BAZ2B: variants seen among roughly 807,000 people sequenced by gnomAD.
BAZ2B encodes bromodomain adjacent to zinc finger domain 2B, also known as bromodomain adjacent to zinc finger domain protein 2B.
In BAZ2B, 91 loss-of-function variants were observed where a neutral mutation model predicts 246.0. That is an observed-to-expected ratio of 0.37 (90% confidence interval 0.31 to 0.44). The LOEUF is 0.44. Ranked by LOEUF, BAZ2B falls within the 20% of genes least tolerant of loss-of-function variation. The probability of loss-of-function intolerance (pLI) is 1.00; values close to 1 mark genes in which losing one functional copy is unlikely to be tolerated. For missense variants in BAZ2B, 2,332 were observed against 2,533.7 expected, an observed-to-expected ratio of 0.92 and a Z score of 1.71; for synonymous variants, 855 against 860.0, an observed-to-expected ratio of 0.99 and a Z score of 0.10.
the BAZ2B span, among the ~76,000 whole-genome samples, chr2:159,650,033 A>G: frequency 6.6e-6 from 1 of 152,034 alleles, no homozygotes; most frequent in Non-Finnish European, 1.5e-5. Flanking sequence ...TGTGTTTTCC[A>G]TCTCAGACAT....
chr2:159,642,393 A>G, the BAZ2B span, among the ~76,000 whole-genome samples: 1 of 151,764 alleles, frequency 6.6e-6, no homozygotes, highest in Non-Finnish European at 1.5e-5. Context: ...GCCAGCCACC[A>G]CACCTAGCTA....
intron 3 of BAZ2B, chr2:159,459,532 G>A (rs1404115794): frequency 6.6e-6 from 1 of 152,086 alleles, no homozygotes; most frequent in Non-Finnish European, 1.5e-5. Flanking sequence ...TTACACCCTT[G>A]GCTCCATTGC....
At chr2:159,388,406 A>C (rs1173097462) in intron 21 of BAZ2B, among the ~76,000 whole-genome samples, 1 of 152,120 alleles carries the variant, frequency 6.6e-6, no homozygotes, top group African/African-American at 2.4e-5. Context: ...GCAACATTAC[A>C]TGTCTGTGAA....
At chr2:159,647,332 G>A in the BAZ2B span, among the ~76,000 whole-genome samples, 1 of 152,208 alleles carries the variant, frequency 6.6e-6, no homozygotes, top group Non-Finnish European at 1.5e-5. Flanking sequence ...TTCAGTTCAA[G>A]TCTGAAGGCA....
chr2:159,450,481 A>C (rs2074922929), intron 4 of BAZ2B, among the ~76,000 whole-genome samples: 1 of 152,146 alleles, frequency 6.6e-6, no homozygotes, highest in South Asian at 2.1e-4. Context: ...AATACAAAAC[A>C]ATAAGATCAG....
chr2:159,423,933 C>CATTT (rs1321932436), intron 13 of BAZ2B, among the ~76,000 whole-genome samples: 1 of 152,154 alleles, frequency 6.6e-6, no homozygotes, highest in African/African-American at 2.4e-5. Context: ...GCTCCAGGAT[C>CATTT]ATTTGCACAC....
intron 27 of BAZ2B, among the ~76,000 whole-genome samples, chr2:159,367,942 A>C (rs926836325): frequency 6.6e-6 from 1 of 152,190 alleles, no homozygotes; most frequent in Admixed American, 6.5e-5. Flanking sequence ...TTAATGTTGA[A>C]TTAACTTTCA....
At chr2:159,613,307 C>G (rs934904772) in intron 1 of BAZ2B, among the ~76,000 whole-genome samples, 1 of 151,918 alleles carries the variant, frequency 6.6e-6, no homozygotes, top group African/African-American at 2.4e-5. Context: ...TACTACAATT[C>G]GGCACTAGTT....
intron 1 of BAZ2B, among the ~76,000 whole-genome samples, chr2:159,608,709 TATG>T (rs1694062356): frequency 6.6e-6 from 1 of 152,234 alleles, no homozygotes; most frequent in South Asian, 2.1e-4. Context: ...TAATTATAGT[TATG>T]ATCCTATGCA....
intron 27 of BAZ2B, among the ~76,000 whole-genome samples, chr2:159,370,375 T>G (rs1199030103): frequency 7.5e-6 from 1 of 133,680 alleles, no homozygotes; most frequent in African/African-American, 2.8e-5. Context: ...GGCACTGTAC[T>G]ACCTTTTTTT....
intron 13 of BAZ2B, among the ~76,000 whole-genome samples, chr2:159,427,248 A>G (rs1176834309): frequency 5.9e-5 from 9 of 152,114 alleles, no homozygotes; most frequent in Non-Finnish European, 8.8e-5. Context: ...GCAGCTGAAT[A>G]CAACTAAGGA....
the BAZ2B span, among the ~76,000 whole-genome samples, chr2:159,683,793 TC>T: frequency 6.6e-6 from 1 of 152,224 alleles, no homozygotes; most frequent in Non-Finnish European, 1.5e-5. Flanking sequence ...AACTCTTTTT[TC>T]TCTTTAAGTA....
the BAZ2B span, chr2:159,694,809 T>C: frequency 6.6e-6 from 1 of 152,232 alleles, no homozygotes; most frequent in Non-Finnish European, 1.5e-5. Flanking sequence ...TTGTGTGACA[T>C]GTGTTTTCAG....
chr2:159,569,840 C>T (rs538423482), intron 1 of BAZ2B, among the ~76,000 whole-genome samples: 1 of 151,856 alleles, frequency 6.6e-6, no homozygotes, highest in African/African-American at 2.4e-5. Flanking sequence ...AAAAAAAGTA[C>T]ATAAATGAAA....
At chr2:159,575,613 AG>A (rs1685108192) in intron 1 of BAZ2B, among the ~76,000 whole-genome samples, 1 of 152,176 alleles carries the variant, frequency 6.6e-6, no homozygotes, top group Non-Finnish European at 1.5e-5. Context: ...AACCTCTCTA[AG>A]ATTCCTAACC....
At chr2:159,633,338 A>G in the BAZ2B span, among the ~76,000 whole-genome samples, 3 of 152,192 alleles carry the variant, frequency 2.0e-5, no homozygotes, top group Non-Finnish European at 4.4e-5. Context: ...TAAATATTCA[A>G]AATAAAATGA....
At chr2:159,336,349 G>A (rs2065665694) in intron 33 of BAZ2B, among the ~76,000 whole-genome samples, 1 of 152,142 alleles carries the variant, frequency 6.6e-6, no homozygotes, top group African/African-American at 2.4e-5. Context: ...ATACAAAATA[G>A]AGATTTTTGT....
intron 4 of BAZ2B, among the ~76,000 whole-genome samples, chr2:159,451,263 T>C (rs2075056611): frequency 6.6e-6 from 1 of 152,218 alleles, no homozygotes; most frequent in African/African-American, 2.4e-5. Flanking sequence ...TTTATTATGC[T>C]AATACCCATT....
intron 2 of BAZ2B, among the ~76,000 whole-genome samples, chr2:159,506,807 T>A (rs561960383): frequency 1.1e-4 from 16 of 152,288 alleles, no homozygotes; most frequent in African/African-American, 3.8e-4. Flanking sequence ...GAGTACTGAG[T>A]TCTTTTCCAC....
Sources: gnomAD v4.1 joint callset for allele counts (sites outside exome capture counted in the v4.1 genomes callset) on GRCh38, gnomAD v4.1.1 for gene constraint, MANE v1.5 for transcripts, NCBI Gene and HGNC (gene_info 2026-07-23, HGNC 2026-07-21) for gene names.